The following LVRN variants were observed in gnomAD, a reference collection of about 807,000 sequenced individuals.
LVRN encodes the protein laeverin.
A neutral mutation model predicts 111.4 loss-of-function variants in LVRN; 99 were observed. That is an observed-to-expected ratio of 0.89 (90% confidence interval 0.76 to 1.05). The LOEUF (loss-of-function observed/expected upper bound fraction) is 1.05, where lower values mean the gene tolerates loss of function less well. Among genes scored for constraint, LVRN ranks in the 50% least tolerant of loss-of-function variants. The pLI, the probability that LVRN is intolerant of heterozygous loss-of-function variation, is 0.00. For missense variants in LVRN, 1,414 were observed against 1,206.8 expected, an observed-to-expected ratio of 1.17 and a Z score of -2.54; for synonymous variants, 488 against 449.5, an observed-to-expected ratio of 1.09 and a Z score of -1.08.
rs1296572123 is a variant in LVRN, at chr5:116,026,253, C to T, written c.*135C>T. On this transcript the variant is annotated 3_prime_UTR_variant, in exon 20 of 20. Transcript: ENST00000357872. ...CAGTCACATTTATTACTCAGAGTGC[C>T]ATTCTTCTCATATTGTCATGTTTGG... The T allele has an allele frequency of 3.9e-6, 5 of 1,297,078 alleles. No homozygotes were observed. The East Asian group carries it at 1.3e-4, about 33-fold the overall frequency. 80.3% of individuals were successfully genotyped at this position (1,297,078 alleles called of 1,614,324 possible).
intron 12 of LVRN, among the ~76,000 whole-genome samples, chr5:116,004,689 T>C (rs2112611639): frequency 6.6e-6 from 1 of 152,276 alleles, no homozygotes; most frequent in South Asian, 2.1e-4. Flanking sequence ...TGGAGTCTCT[T>C]CCTAACAGAA....
intron 19 of LVRN, among the ~76,000 whole-genome samples, chr5:116,024,693 G>A (rs535030682): frequency 5.9e-5 from 9 of 152,164 alleles, no homozygotes; most frequent in East Asian, 1.9e-4. Context: ...AATGAGGTTC[G>A]TATAAATTTA....
intron 9 of LVRN, 117 bp from the exon 10 acceptor site, chr5:116,000,950 G>A (rs1748224363): frequency 1.7e-6 from 2 of 1,176,670 alleles, no homozygotes; most frequent in East Asian, 4.9e-5. Flanking sequence ...ATCACCCACT[G>A]CAGGACTACT....
intron 13 of LVRN, among the ~76,000 whole-genome samples, chr5:116,009,665 TC>T (rs1470422365): frequency 2.6e-5 from 4 of 152,134 alleles, no homozygotes; most frequent in African/African-American, 9.7e-5. Context: ...GTAGAGGAAG[TC>T]ACTTCAGATA....
rs189518758 is a variant in LVRN at position 115,990,244 on chromosome 5, T to A, written c.1106-1879T>A. ...GGTGTTTGGGTTATTATTGTGCCAA[T>A]TGACACTTTCCCTGTAGGCTATATG... On this transcript the variant is annotated intron_variant, in intron 4 of 19. Transcript: ENST00000357872. Among the ~76,000 whole-genome samples, 617 of 152,306 alleles carry A rather than the reference T, an allele frequency of 4.1e-3. 2 individuals are homozygous for A. Among genetic ancestry groups the A allele is most frequent in the Middle Eastern group, 6.8e-3 (2 of 294 alleles).
In LVRN at chr5:115,987,906, T is replaced by A; in HGVS notation, c.1072T>A (p.Leu358Met). 1.9e-6 allele frequency: 3 copies of A among 1,613,102 alleles called. No homozygotes were observed. The highest frequency in any genetic ancestry group is 2.5e-6 in the Non-Finnish European group (3 of 1,179,586). The change falls in exon 4 of 20, where the codon TTG (leucine) becomes ATG (methionine). Residue 358 changes from leucine to methionine, a missense_variant. By Grantham distance (15) the Leu-to-Met change is conservative. Coordinates refer to ENST00000357872, the MANE Select transcript of LVRN (RefSeq NM_173800.5). ...TGPIFSFLED[L>M]FNISYSLPKT... ...TCCCATCTTCTCTTTTCTGGAGGAT[T>A]TGTTTAATATCAGTTACTCTCTTCC...
At chr5:115,964,204 A>G (rs1050752426) in intron 1 of LVRN, among the ~76,000 whole-genome samples, 3 of 152,118 alleles carry the variant, frequency 2.0e-5, no homozygotes, top group Non-Finnish European at 2.9e-5. Flanking sequence ...CTCTTTGTCC[A>G]CTCACACACT....
chr5:115,963,077 G>A lies in LVRN; in HGVS notation c.460G>A (p.Glu154Lys), dbSNP rs546447559. 49 of 1,613,672 alleles carry A rather than the reference G, an allele frequency of 3.0e-5. No homozygotes were observed. The Admixed American group carries it at 3.7e-4, about 12-fold the overall frequency. Residue 154 changes from glutamate to lysine, a missense_variant, in exon 1 of 20, where the codon GAG becomes AAG. Transcript: ENST00000357872. The stretch of plus-strand genomic sequence containing the variant: ...GCTGCATAGCCTCTTCCAGGACTGC[G>A]AGCGCGCCGAGGTGCGGGGACCCCT... ...LLLHSLFQDC[E>K]RAEVRGPLSP...
intron 6 of LVRN, among the ~76,000 whole-genome samples, chr5:115,996,690 T>G (rs1748120958): frequency 6.6e-6 from 1 of 152,204 alleles, no homozygotes; most frequent in Non-Finnish European, 1.5e-5. Context: ...ACGAAGGCTT[T>G]CTGGAACTCT....
chr5:115,982,198 T>C (rs60736159), intron 1 of LVRN, among the ~76,000 whole-genome samples: 35,796 of 152,184 alleles, frequency 0.24, 4,786 homozygotes, highest in East Asian at 0.48. Context: ...AATGGCTGAC[T>C]GAGAGTTGTT....
Position 115,984,668 on chromosome 5 carries a change from T to A in LVRN, c.937T>A (p.Cys313Ser). The A allele has an allele frequency of 1.2e-6, 2 of 1,613,672 alleles. No homozygotes were observed. The highest frequency in any genetic ancestry group is 4.5e-5 in the East Asian group (2 of 44,860). Residue 313 changes from cysteine to serine, a missense_variant, in exon 3 of 20, where the codon TGT becomes AGT. By Grantham distance (112) the Cys-to-Ser change is moderately radical. Coordinates refer to ENST00000357872, the MANE Select transcript of LVRN (RefSeq NM_173800.5). ...MPTYLVAFVI[C>S]DYDHVNRTER... ...AACTTACTTAGTCGCATTTGTTATA[T>A]GTGACTATGACCACGTCAACAGAAC...
intron 18 of LVRN, 66 bp downstream of exon 18, chr5:116,015,831 A>C: frequency 6.3e-7 from 1 of 1,577,510 alleles, no homozygotes; most frequent in Non-Finnish European, 8.6e-7. Context: ...GCTCAGCTTT[A>C]GTCTAGCTTG....
intron 6 of LVRN, among the ~76,000 whole-genome samples, chr5:115,994,250 T>G (rs941749796): frequency 2.3e-4 from 35 of 149,598 alleles, no homozygotes; most frequent in African/African-American, 8.4e-4. Context: ...CTATATAGAC[T>G]ATATATATAT....
chr5:115,968,105 T>C (rs1435339531), intron 1 of LVRN, among the ~76,000 whole-genome samples: 1 of 152,240 alleles, frequency 6.6e-6, no homozygotes, highest in African/African-American at 2.4e-5. Context: ...TTGTGTTGGG[T>C]AAAACTTCCA....
intron 10 of LVRN, among the ~76,000 whole-genome samples, chr5:116,002,209 C>A (rs2112606186): frequency 6.6e-6 from 1 of 152,314 alleles, no homozygotes; most frequent in South Asian, 2.1e-4. Context: ...GTCTTCAAGA[C>A]ACCAGGCTTG....
chr5:116,004,631 CA>C (rs566101463), intron 12 of LVRN, among the ~76,000 whole-genome samples: 1 of 152,208 alleles, frequency 6.6e-6, no homozygotes, highest in East Asian at 1.9e-4. Context: ...AAAAAACCCC[CA>C]AAAAACTCCC....
chr5:115,987,419 C>T (rs1414987195), intron 3 of LVRN, among the ~76,000 whole-genome samples: 1 of 151,968 alleles, frequency 6.6e-6, no homozygotes, highest in Admixed American at 6.6e-5. Context: ...CTATATAACC[C>T]CCACTCACAG....
At chr5:115,966,775 T>C (rs1216280928) in intron 1 of LVRN, among the ~76,000 whole-genome samples, 2 of 152,274 alleles carry the variant, frequency 1.3e-5, no homozygotes, top group Non-Finnish European at 2.9e-5. Flanking sequence ...CAGCAATATA[T>C]GAGTGATAGA....
rs1212670431 is a variant in LVRN, at chr5:115,962,852, G to T, written c.235G>T (p.Ala79Ser). 6.2e-7 allele frequency: 1 copy of T among 1,613,070 alleles called. No individual in the cohort carries two copies. Among genetic ancestry groups the T allele is most frequent in the East Asian group, 2.2e-5 (1 of 44,848 alleles). Residue 79 changes from alanine to serine, a missense_variant, in exon 1 of 20, where the codon GCG (alanine) becomes TCG (serine). By Grantham distance (99) the Ala-to-Ser change is moderately conservative. Coordinates refer to ENST00000357872, the MANE Select transcript of LVRN (RefSeq NM_173800.5). ...GAAACCCAGCAGTGCACGCGAGCTAGCGGTGACGACCACCCCGAGCAACTG... is the reference window on the plus strand; with the variant it reads ...GAAACCCAGCAGTGCACGCGAGCTATCGGTGACGACCACCCCGAGCAACTG... Reference protein sequence around the residue: ...TPKPSSARELAVTTTPSNWRP... With the variant: ...TPKPSSARELSVTTTPSNWRP...
Sources: allele counts gnomAD v4.1 joint callset (sites outside exome capture counted in the v4.1 genomes callset), GRCh38; gene constraint gnomAD v4.1.1; transcripts MANE v1.5; gene names NCBI Gene and HGNC (gene_info 2026-07-23, HGNC 2026-07-21).